Variants in SERPINB12 observed in about 807,000 individuals in gnomAD.
The protein encoded by SERPINB12 is serpin family B member 12, also known as serpin B12.
SERPINB12 carries 57 observed loss-of-function variants against 41.1 expected under a neutral mutation model. The ratio of observed to expected loss-of-function variants is 1.39; its 90% CI spans 1.12 to 1.73. The LOEUF (loss-of-function observed/expected upper bound fraction) is 1.73, where lower values mean the gene tolerates loss of function less well. Ranked by LOEUF, SERPINB12 falls within the 40% of genes most tolerant of loss-of-function variation. The probability of loss-of-function intolerance (pLI) is 0.00; values close to 1 mark genes in which losing one functional copy is unlikely to be tolerated. For synonymous variants in SERPINB12, 180 were observed against 181.3 expected (o/e 0.99, Z 0.06); for missense variants, 536 against 501.9 (o/e 1.07, Z -0.65).
At chr18:63,544,447 T>A (rs1358496131) in intron 1 of SERPINB12, among the ~76,000 whole-genome samples, 1 of 152,192 alleles carries the variant, frequency 6.6e-6, no homozygotes, top group Non-Finnish European at 1.5e-5. Context: ...ATTATTCTTA[T>A]TTTTTTAAGG....
the SERPINB12 span, among the ~76,000 whole-genome samples, chr18:63,535,861 A>G: frequency 1.3e-4 from 20 of 152,118 alleles, no homozygotes; most frequent in African/African-American, 4.8e-4. Context: ...ACATATATAC[A>G]CACATACACA....
the SERPINB12 span, among the ~76,000 whole-genome samples, chr18:63,522,000 A>G: frequency 1.3e-5 from 2 of 152,240 alleles, no homozygotes; most frequent in African/African-American, 2.4e-5. Flanking sequence ...TCTAATGAAA[A>G]GCGTATTATA....
chr18:63,523,508 T>C, the SERPINB12 span, among the ~76,000 whole-genome samples: 3 of 151,830 alleles, frequency 2.0e-5, no homozygotes, highest in African/African-American at 7.3e-5. Context: ...ACAGGAAGAG[T>C]CTGTGCCCAA....
intron 6 of SERPINB12, 59 bp from the exon 7 acceptor site, chr18:63,565,386 C>T: frequency 6.7e-7 from 1 of 1,495,860 alleles, no homozygotes; most frequent in Non-Finnish European, 9.1e-7. Flanking sequence ...AAGCTGGGGC[C>T]ATATGAATTT....
At chr18:63,553,193 A>T (rs1402148839) in intron 1 of SERPINB12, among the ~76,000 whole-genome samples, 1 of 152,188 alleles carries the variant, frequency 6.6e-6, no homozygotes, top group Non-Finnish European at 1.5e-5. Flanking sequence ...AGAGTTTTGG[A>T]GTGTTCTGTA....
intron 1 of SERPINB12, among the ~76,000 whole-genome samples, chr18:63,546,325 C>T (rs905477342): frequency 6.6e-6 from 1 of 152,196 alleles, no homozygotes; most frequent in Admixed American, 6.5e-5. Context: ...CTCATGTTTA[C>T]AGTCAGTAAC....
chr18:63,562,018 T>A (rs115478726), intron 5 of SERPINB12, among the ~76,000 whole-genome samples: 2,210 of 150,780 alleles, frequency 0.015, 53 homozygotes, highest in African/African-American at 0.05. Context: ...AGCTGAAATT[T>A]AAAAAAAAAC....
At chr18:63,526,762 A>G in the SERPINB12 span, among the ~76,000 whole-genome samples, 2 of 152,280 alleles carry the variant, frequency 1.3e-5, no homozygotes, top group South Asian at 2.1e-4. Flanking sequence ...CAATGTTTAC[A>G]TTTTACAGTC....
chr18:63,532,696 G>T, the SERPINB12 span, among the ~76,000 whole-genome samples: 5 of 152,154 alleles, frequency 3.3e-5, no homozygotes, highest in African/African-American at 1.2e-4. Flanking sequence ...GATTCTTGAA[G>T]TTCAGTAGGA....
At chr18:63,533,851 C>T in the SERPINB12 span, among the ~76,000 whole-genome samples, 1 of 152,006 alleles carries the variant, frequency 6.6e-6, no homozygotes, top group African/African-American at 2.4e-5. Context: ...TTTTTCCATC[C>T]CTCATATTTT....
chr18:63,550,368 G>C (rs1244044261), intron 1 of SERPINB12, among the ~76,000 whole-genome samples: 1 of 152,054 alleles, frequency 6.6e-6, no homozygotes, highest in Admixed American at 6.5e-5. Context: ...TGCATCTGGG[G>C]CCAAAATTTC....
At chr18:63,559,856 C>A in intron 4 of SERPINB12, 138 bp downstream of exon 4, 1 of 771,276 alleles carries the variant, frequency 1.3e-6, no homozygotes, top group Non-Finnish European at 2.1e-6. Flanking sequence ...GGTGAGGTGT[C>A]CAGGACCTCC....
chr18:63,538,884 C>T (rs190949729), upstream of SERPINB12, among the ~76,000 whole-genome samples: 3 of 152,168 alleles, frequency 2.0e-5, no homozygotes, highest in East Asian at 5.8e-4. Context: ...TATAACCATC[C>T]CAGTGTGTAT....
At chr18:63,527,210 C>G in the SERPINB12 span, among the ~76,000 whole-genome samples, 1 of 152,126 alleles carries the variant, frequency 6.6e-6, no homozygotes, top group Non-Finnish European at 1.5e-5. Context: ...CTAGTCAATG[C>G]AGGCAGGGAA....
At chr18:63,525,796 C>T in the SERPINB12 span, among the ~76,000 whole-genome samples, 1 of 152,054 alleles carries the variant, frequency 6.6e-6, no homozygotes, top group Non-Finnish European at 1.5e-5. Context: ...ATTTTATAGC[C>T]TGTAAATATC....
At chr18:63,551,162 G>A (rs1360066973) in intron 1 of SERPINB12, among the ~76,000 whole-genome samples, 2 of 151,630 alleles carry the variant, frequency 1.3e-5, no homozygotes, top group South Asian at 2.1e-4. Flanking sequence ...CCAGCTACTC[G>A]GGAGGCTGAG....
the SERPINB12 span, among the ~76,000 whole-genome samples, chr18:63,524,117 G>T: frequency 1.3e-5 from 2 of 151,328 alleles, no homozygotes; most frequent in African/African-American, 4.9e-5. Context: ...AGAATTAAAA[G>T]AAAAACTTTT....
chr18:63,523,561 G>A, the SERPINB12 span, among the ~76,000 whole-genome samples: 1 of 152,294 alleles, frequency 6.6e-6, no homozygotes, highest in East Asian at 1.9e-4. Context: ...AAACAAGAAA[G>A]CCAGTACCTT....
upstream of SERPINB12, among the ~76,000 whole-genome samples, chr18:63,538,389 C>T (rs748638409): frequency 1.1e-4 from 17 of 152,094 alleles, no homozygotes; most frequent in Non-Finnish European, 1.6e-4. Context: ...AATCTACTTT[C>T]TCTCTTTATG....
Sources: gnomAD v4.1 joint callset for allele counts (sites outside exome capture counted in the v4.1 genomes callset) on GRCh38, gnomAD v4.1.1 for gene constraint, MANE v1.5 for transcripts, NCBI Gene and HGNC (gene_info 2026-07-23, HGNC 2026-07-21) for gene names.